TENM2: variants seen among roughly 807,000 people sequenced by gnomAD.
TENM2 encodes teneurin transmembrane protein 2.
TENM2 carries 52 observed loss-of-function variants against 245.2 expected under a neutral mutation model. That is an observed-to-expected ratio of 0.21 (90% CI 0.17 to 0.27). The LOEUF is 0.27. Among genes scored for constraint, TENM2 ranks in the 10% least tolerant of loss-of-function variants. TENM2 has a pLI of 1.00. For synonymous variants in TENM2, 1,363 were observed against 1,438.9 expected, an observed-to-expected ratio of 0.95 and a Z score of 1.19; for missense variants, 3,046 against 3,666.8, an observed-to-expected ratio of 0.83 and a Z score of 4.37.
chr5:167,005,022 A>T, the TENM2 span, among the ~76,000 whole-genome samples: 1 of 152,240 alleles, frequency 6.6e-6, no homozygotes, highest in Non-Finnish European at 1.5e-5. Flanking sequence ...AATATCTGCA[A>T]TGCAAGTCAT....
chr5:167,369,102 A>G (rs976070029), intron 1 of TENM2, among the ~76,000 whole-genome samples: 15 of 152,048 alleles, frequency 9.9e-5, no homozygotes, highest in Non-Finnish European at 1.3e-4. Context: ...GCCGTTTCCA[A>G]TTTGCAGGTT....
chr5:167,041,167 T>C, the TENM2 span, among the ~76,000 whole-genome samples: 7 of 152,244 alleles, frequency 4.6e-5, no homozygotes, highest in Admixed American at 2.6e-4. Context: ...CAGTGTTTAC[T>C]GAATCCTTTC....
chr5:168,199,954 A>C (rs1329050387), exon 17 of TENM2: 1 of 1,613,974 alleles, frequency 6.2e-7, no homozygotes, highest in East Asian at 2.2e-5. Context: ...ACTGCTGAAG[A>C]TCACCATGAC....
chr5:167,086,919 A>C, the TENM2 span, among the ~76,000 whole-genome samples: 11 of 91,338 alleles, frequency 1.2e-4, no homozygotes, highest in East Asian at 2.7e-3. Flanking sequence ...GGAAACTCTA[A>C]CACACACACG....
chr5:167,264,622 A>G, the TENM2 span, among the ~76,000 whole-genome samples: 15 of 152,178 alleles, frequency 9.9e-5, no homozygotes, highest in Non-Finnish European at 1.0e-4. Context: ...ATATACTGCA[A>G]TATCTTAAGA....
At chr5:168,227,098 G>A (rs1764264302) in intron 24 of TENM2, among the ~76,000 whole-genome samples, 1 of 152,178 alleles carries the variant, frequency 6.6e-6, no homozygotes, top group Admixed American at 6.5e-5. Context: ...CCCAAAAGCT[G>A]ACATCTCAGA....
chr5:167,455,046 A>G (rs1200803425), intron 2 of TENM2, among the ~76,000 whole-genome samples: 1 of 152,242 alleles, frequency 6.6e-6, no homozygotes, highest in African/African-American at 2.4e-5. Flanking sequence ...TGTGAAGCAA[A>G]TCAATATATG....
At position 168,176,274 on chromosome 5, in the gene TENM2, G is replaced by A. The variant is rs555163356; in HGVS notation, c.2569+13517G>A. Among the ~76,000 whole-genome samples, 9 of 152,302 alleles carry A rather than the reference G, an allele frequency of 5.9e-5. No homozygotes were observed. The South Asian group carries it at 1.9e-3, about 32-fold the overall frequency. On this transcript the variant is annotated intron_variant, in intron 13 of 28. Transcript: ENST00000518659. ...TCTCCCGTAGCATGGCACCCAGGTT[G>A]CCGCAGTGGCTTCCATTGCTCTGCA...
intron 2 of TENM2, among the ~76,000 whole-genome samples, chr5:167,556,536 A>G (rs1186458760): frequency 6.6e-6 from 1 of 152,090 alleles, no homozygotes; most frequent in African/African-American, 2.4e-5. Flanking sequence ...AGAGGAAACA[A>G]TACATATGTA....
chr5:167,927,904 C>T (rs542555650), intron 3 of TENM2, among the ~76,000 whole-genome samples: 2 of 152,278 alleles, frequency 1.3e-5, no homozygotes, highest in South Asian at 4.1e-4. Context: ...TATAGAGAGG[C>T]TGATGTTCTG....
At chr5:167,634,062 A>C (rs1430031817) in intron 2 of TENM2, among the ~76,000 whole-genome samples, 1 of 152,186 alleles carries the variant, frequency 6.6e-6, no homozygotes, top group African/African-American at 2.4e-5. Flanking sequence ...GCTTGGGAAC[A>C]AATTTGCGGC....
chr5:168,047,884 G>GGCAGCA (rs370697921), intron 6 of TENM2, among the ~76,000 whole-genome samples: 14 of 151,810 alleles, frequency 9.2e-5, no homozygotes, highest in Admixed American at 3.3e-4. Flanking sequence ...CAGCTGGAGT[G>GGCAGCA]GCAGCAGCAG....
At chr5:167,723,686 G>A (rs1464568804) in intron 2 of TENM2, among the ~76,000 whole-genome samples, 1 of 152,154 alleles carries the variant, frequency 6.6e-6, no homozygotes, top group African/African-American at 2.4e-5. Flanking sequence ...TGCTGCTGCT[G>A]TTCCCTGTCC....
At chr5:167,760,701 T>A (rs1008129530) in intron 2 of TENM2, among the ~76,000 whole-genome samples, 4 of 152,188 alleles carry the variant, frequency 2.6e-5, no homozygotes, top group African/African-American at 9.6e-5. Flanking sequence ...CCACCCAGGC[T>A]AGAGTGCAAT....
At chr5:167,435,219 C>T (rs563967312) in intron 2 of TENM2, among the ~76,000 whole-genome samples, 1 of 152,274 alleles carries the variant, frequency 6.6e-6, no homozygotes, top group East Asian at 1.9e-4. Context: ...GCCTTAGATA[C>T]TGATATGATT....
chr5:167,924,747 G>T (rs1206536120), intron 3 of TENM2, among the ~76,000 whole-genome samples: 1 of 152,136 alleles, frequency 6.6e-6, no homozygotes, highest in Non-Finnish European at 1.5e-5. Flanking sequence ...GCTTTAATGA[G>T]GTCTGACTTC....
chr5:167,872,611 G>C (rs1268824519), intron 2 of TENM2, among the ~76,000 whole-genome samples: 2 of 152,166 alleles, frequency 1.3e-5, no homozygotes. Flanking sequence ...GGCAGATCTA[G>C]GGACTGAGAA....
At chr5:167,124,384 A>G in the TENM2 span, among the ~76,000 whole-genome samples, 1 of 152,258 alleles carries the variant, frequency 6.6e-6, no homozygotes, top group Non-Finnish European at 1.5e-5. Context: ...AGATGTAATT[A>G]TTTATGGATT....
intron 2 of TENM2, among the ~76,000 whole-genome samples, chr5:167,685,854 C>A (rs1463293022): frequency 5.3e-5 from 8 of 151,466 alleles, no homozygotes. Flanking sequence ...GGGTGAGAGG[C>A]CTCATACGCT....
Sources: allele counts gnomAD v4.1 joint callset (sites outside exome capture counted in the v4.1 genomes callset), GRCh38; gene constraint gnomAD v4.1.1; transcripts MANE v1.5; gene names NCBI Gene and HGNC (gene_info 2026-07-23, HGNC 2026-07-21).